The following PPM1L variants were observed in gnomAD, a reference collection of about 807,000 sequenced individuals.
The protein encoded by PPM1L is protein phosphatase 1L.
A neutral mutation model predicts 31.4 loss-of-function variants in PPM1L; 13 were observed. That is an observed-to-expected ratio of 0.41 (90% CI 0.27 to 0.66). PPM1L has a LOEUF of 0.66. Among genes scored for constraint, PPM1L ranks in the 30% least tolerant of loss-of-function variants. The pLI is 0.29. For synonymous variants in PPM1L, 184 were observed against 175.4 expected (o/e 1.05, Z -0.39); for missense variants, 326 against 453.7 (o/e 0.72, Z 2.56).
chr3:161,004,773 G>T (rs1434711754), intron 2 of PPM1L, among the ~76,000 whole-genome samples: 1 of 150,118 alleles, frequency 6.7e-6, no homozygotes, highest in Non-Finnish European at 1.5e-5. Flanking sequence ...CAATTTTGTT[G>T]ATCCTTTCAA....
Position 161,030,767 on chromosome 3 carries a change from A to G in PPM1L, c.575-34636A>G, listed in dbSNP as rs1718540787. ...TCCATACATCAAAATCCTCAGTTAT[A>G]TGAAATAAGAGAAAGAAGGCCTCTA... On this transcript the variant is annotated intron_variant, in intron 2 of 3. Transcript: ENST00000498165. 2.6e-5 allele frequency among the ~76,000 whole-genome samples: 4 copies of G among 152,256 alleles called. No individual in the cohort carries two copies. In the South Asian group the frequency reaches 8.3e-4, roughly 32 times the overall value.
intron 1 of PPM1L, among the ~76,000 whole-genome samples, chr3:160,830,611 T>A (rs1276738340): frequency 2.0e-5 from 3 of 152,160 alleles, no homozygotes; most frequent in African/African-American, 7.2e-5. Context: ...GATTTTCAAT[T>A]TTTTGGCAAA....
At chr3:160,983,982 C>T (rs531845218) in intron 2 of PPM1L, among the ~76,000 whole-genome samples, 7 of 152,184 alleles carry the variant, frequency 4.6e-5, no homozygotes, top group South Asian at 4.1e-4. Context: ...GAGGTTAGGG[C>T]GAGATCACAA....
intron 1 of PPM1L, among the ~76,000 whole-genome samples, chr3:160,928,926 C>T (rs927051646): frequency 6.6e-6 from 1 of 152,002 alleles, no homozygotes; most frequent in Non-Finnish European, 1.5e-5. Context: ...CAGCACAAAT[C>T]GATGAAGACA....
intron 2 of PPM1L, among the ~76,000 whole-genome samples, chr3:160,975,418 C>T (rs1024033475): frequency 3.7e-4 from 57 of 152,212 alleles, no homozygotes; most frequent in Non-Finnish European, 3.2e-4. Flanking sequence ...AGAAAATCAT[C>T]GGTAGCTTGA....
chr3:160,941,012 G>A (rs1026162891), intron 1 of PPM1L, among the ~76,000 whole-genome samples: 38 of 152,302 alleles, frequency 2.5e-4, no homozygotes, highest in Admixed American at 6.5e-5. Flanking sequence ...TTGCATCAGC[G>A]TGACCTGGAT....
In PPM1L at chr3:160,795,730, G is replaced by A. The variant is rs150707681; in HGVS notation, c.399+39023G>A. On this transcript the variant is annotated intron_variant, in intron 1 of 3. Coordinates refer to ENST00000498165, the MANE Select transcript of PPM1L (RefSeq NM_139245.4). Reference sequence around the variant, plus strand: ...AAAGTAATACAGATCATATTTACACGTTAAGTACATTTCCCCAGGTGAGTA... The same window carrying A: ...AAAGTAATACAGATCATATTTACACATTAAGTACATTTCCCCAGGTGAGTA... Among the ~76,000 whole-genome samples the A allele has an allele frequency of 2.6e-5, 4 of 152,106 alleles. No homozygotes were observed. The East Asian group carries it at 7.7e-4, about 29-fold the overall frequency.
chr3:160,941,911 T>G (rs1715174855), intron 1 of PPM1L, among the ~76,000 whole-genome samples: 1 of 152,244 alleles, frequency 6.6e-6, no homozygotes, highest in African/African-American at 2.4e-5. Flanking sequence ...GAATGAATAC[T>G]TGAATGAATT....
chr3:160,887,575 T>TTTTTTTTTTTTTTC, intron 1 of PPM1L, among the ~76,000 whole-genome samples: 1 of 149,964 alleles, frequency 6.7e-6, no homozygotes, highest in Admixed American at 6.6e-5. Flanking sequence ...ATATTCAACT[T>TTTTTTTTTTTTTTC]TTTTTTTTTT....
intron 1 of PPM1L, among the ~76,000 whole-genome samples, chr3:160,893,385 G>A (rs1438673944): frequency 1.3e-5 from 2 of 152,140 alleles, no homozygotes; most frequent in Non-Finnish European, 2.9e-5. Flanking sequence ...CTCCAGCTGA[G>A]CTTTTGAAAT....
intron 2 of PPM1L, among the ~76,000 whole-genome samples, chr3:160,979,902 A>G (rs756045604): frequency 1.3e-5 from 2 of 151,962 alleles, no homozygotes; most frequent in Non-Finnish European, 2.9e-5. Context: ...TCGACAAAGG[A>G]ACTCAGCAAC....
At chr3:161,040,333 C>T (rs1362743736) in intron 2 of PPM1L, among the ~76,000 whole-genome samples, 3 of 152,116 alleles carry the variant, frequency 2.0e-5, no homozygotes, top group African/African-American at 7.2e-5. Flanking sequence ...GCTAAGACCT[C>T]GCCCACCTTT....
intron 1 of PPM1L, among the ~76,000 whole-genome samples, chr3:160,835,751 C>G (rs901677282): frequency 1.2e-4 from 19 of 152,166 alleles, no homozygotes; most frequent in African/African-American, 4.6e-4. Flanking sequence ...TAGAAACTAG[C>G]TTAGCAGCAT....
intron 1 of PPM1L, among the ~76,000 whole-genome samples, chr3:160,873,247 C>G (rs902368527): frequency 6.6e-6 from 1 of 152,122 alleles, no homozygotes; most frequent in Non-Finnish European, 1.5e-5. Flanking sequence ...GCATCTCTCC[C>G]TTATAAAAGC....
chr3:160,974,663 A>G (rs1202685064), intron 2 of PPM1L, among the ~76,000 whole-genome samples: 3 of 149,816 alleles, frequency 2.0e-5, no homozygotes, highest in Non-Finnish European at 4.4e-5. Context: ...GGCTGCATAA[A>G]TGTCTTCTTT....
intron 2 of PPM1L, among the ~76,000 whole-genome samples, chr3:160,971,356 A>G (rs1359632721): frequency 6.6e-6 from 1 of 152,214 alleles, no homozygotes; most frequent in African/African-American, 2.4e-5. Context: ...CTGAATGAGC[A>G]TCTTTGAGCC....
Position 161,073,277 on chromosome 3 carries a change from A to T in PPM1L, c.*4120A>T, listed in dbSNP as rs754812622. 3.9e-5 allele frequency: 6 copies of T among 152,014 alleles called. No homozygotes were observed. The highest frequency in any genetic ancestry group is 7.4e-5 in the Non-Finnish European group (5 of 67,966). 9.4% of individuals were successfully genotyped at this position (152,014 alleles called of 1,614,324 possible). A position where few individuals can be genotyped will look rare whatever the true frequency, so the allele number is the denominator to read the frequency against. ...TGTCAGTTAGCCCAGTGTTTTCCAG[A>T]TTAATTTGACCACAGAAACTTTTTT... On this transcript the variant is annotated 3_prime_UTR_variant, in exon 4 of 4. Coordinates refer to ENST00000498165, the MANE Select transcript of PPM1L (RefSeq NM_139245.4).
At chr3:160,977,202 T>C (rs1274819892) in intron 2 of PPM1L, among the ~76,000 whole-genome samples, 1 of 152,252 alleles carries the variant, frequency 6.6e-6, no homozygotes, top group African/African-American at 2.4e-5. Context: ...CTCAAGGCTG[T>C]GTGGCTTAGG....
Position 160,961,771 on chromosome 3 carries a change from G to A in PPM1L, c.435G>A (p.Glu145=). 6.3e-7 allele frequency: 1 copy of A among 1,594,438 alleles called. No homozygotes were observed. Among genetic ancestry groups the A allele is most frequent in the African/African-American group, 1.4e-5 (1 of 73,670 alleles). ...AATATGTAAAATCTCGACTCCCAGA[G>A]GCCCTTAAACAGCATCTTCAGGACT... ...AAEYVKSRLP[E]ALKQHLQDYE... The change falls in exon 2 of 4, where the codon GAG becomes GAA. Residue 145 remains glutamate, a synonymous_variant. Transcript: ENST00000498165.
Sources: gnomAD v4.1 joint callset for allele counts (sites outside exome capture counted in the v4.1 genomes callset) on GRCh38, gnomAD v4.1.1 for gene constraint, MANE v1.5 for transcripts, NCBI Gene and HGNC (gene_info 2026-07-23, HGNC 2026-07-21) for gene names.